CMSS1: variants seen among roughly 807,000 people sequenced by gnomAD.
CMSS1 encodes protein CMSS1.
CMSS1 carries 33 observed loss-of-function variants against 43.5 expected under a neutral mutation model. That is an observed-to-expected ratio of 0.76 (90% CI 0.57 to 1.01). The LOEUF (loss-of-function observed/expected upper bound fraction) is 1.01. Ranked by LOEUF, CMSS1 falls within the 50% of genes least tolerant of loss-of-function variation. CMSS1 has a pLI of 0.00. For synonymous variants in CMSS1, 115 were observed against 117.2 expected, an observed-to-expected ratio of 0.98 and a Z score of 0.12; for missense variants, 313 against 326.4, an observed-to-expected ratio of 0.96 and a Z score of 0.32.
At chr3:100,142,269 AT>A (rs2066811583) in intron 1 of CMSS1, among the ~76,000 whole-genome samples, 1 of 152,200 alleles carries the variant, frequency 6.6e-6, no homozygotes, top group Admixed American at 6.5e-5. Flanking sequence ...GGCTCCACAT[AT>A]GTAGATTTCA....
At chr3:100,099,387 T>C (rs945252251) in intron 1 of CMSS1, among the ~76,000 whole-genome samples, 4 of 152,162 alleles carry the variant, frequency 2.6e-5, no homozygotes, top group African/African-American at 9.7e-5. Flanking sequence ...GCTATCACTT[T>C]CCAAATTTTC....
intron 1 of CMSS1, among the ~76,000 whole-genome samples, chr3:100,021,056 C>T (rs1320249407): frequency 1.3e-5 from 2 of 152,200 alleles, no homozygotes; most frequent in African/African-American, 2.4e-5. Context: ...TGAGCCACCA[C>T]GCCTAGCCTA....
intron 1 of CMSS1, among the ~76,000 whole-genome samples, chr3:99,943,664 A>C (rs1355247862): frequency 6.6e-6 from 1 of 152,114 alleles, no homozygotes; most frequent in Non-Finnish European, 1.5e-5. Flanking sequence ...AGATCACGCC[A>C]CTGCACTCCA....
At chr3:100,045,841 G>T (rs1403396173) in intron 1 of CMSS1, among the ~76,000 whole-genome samples, 1 of 152,184 alleles carries the variant, frequency 6.6e-6, no homozygotes, top group Non-Finnish European at 1.5e-5. Context: ...CATTCCTAAT[G>T]ATGATAATGA....
chr3:100,112,771 T>C (rs2066512347), intron 1 of CMSS1, among the ~76,000 whole-genome samples: 1 of 152,212 alleles, frequency 6.6e-6, no homozygotes, highest in Admixed American at 6.5e-5. Context: ...ATGAATATTA[T>C]TGCTGCCTTT....
chr3:100,148,697 A>G (rs1298295840), intron 2 of CMSS1, among the ~76,000 whole-genome samples: 2 of 152,204 alleles, frequency 1.3e-5, no homozygotes, highest in African/African-American at 2.4e-5. Flanking sequence ...AAGCACTTCA[A>G]ACAGTGGTTA....
Position 99,934,272 on chromosome 3 carries a change from G to A in CMSS1, c.64+116229G>A, listed in dbSNP as rs768527. Among the ~76,000 whole-genome samples the A allele has an allele frequency of 4.5e-3, 684 of 152,300 alleles. 7 individuals are homozygous for A. Among genetic ancestry groups the A allele is most frequent in the African/African-American group, 0.016 (670 of 41,564 alleles). ...ATACAAGGCCACATTGCAAAGGAAT[G>A]GAAGGAATTAACTGCAGCCATCTTT... is the stretch of plus-strand genomic sequence containing the variant. On this transcript the variant is annotated intron_variant, in intron 1 of 9. Transcript: ENST00000421999.
intron 1 of CMSS1, among the ~76,000 whole-genome samples, chr3:100,093,967 G>C (rs1559755226): frequency 6.6e-6 from 1 of 152,040 alleles, no homozygotes; most frequent in Non-Finnish European, 1.5e-5. Context: ...CATTTCCCTG[G>C]GATGAATGCC....
intron 4 of CMSS1, among the ~76,000 whole-genome samples, chr3:100,162,869 G>A (rs1371917527): frequency 6.6e-6 from 1 of 152,050 alleles, no homozygotes; most frequent in East Asian, 1.9e-4. Flanking sequence ...CACCTACTTG[G>A]GAGGCTGAGG....
At chr3:100,056,004 C>T (rs2065458158) in intron 1 of CMSS1, among the ~76,000 whole-genome samples, 1 of 152,060 alleles carries the variant, frequency 6.6e-6, no homozygotes, top group African/African-American at 2.4e-5. Flanking sequence ...AGAAGGATAG[C>T]CTAGTTGATC....
intron 1 of CMSS1, among the ~76,000 whole-genome samples, chr3:99,875,292 A>C (rs1705454741): frequency 6.6e-6 from 1 of 152,192 alleles, no homozygotes; most frequent in Non-Finnish European, 1.5e-5. Flanking sequence ...TTTAGATGTA[A>C]CTAATTATGG....
chr3:100,013,903 A>G (rs1710239672), intron 1 of CMSS1, among the ~76,000 whole-genome samples: 1 of 152,144 alleles, frequency 6.6e-6, no homozygotes, highest in Non-Finnish European at 1.5e-5. Flanking sequence ...ACAATAGATC[A>G]ACAGAATTCC....
chr3:99,821,771 A>G (rs1942443810), intron 1 of CMSS1, among the ~76,000 whole-genome samples: 1 of 151,956 alleles, frequency 6.6e-6, no homozygotes, highest in East Asian at 1.9e-4. Context: ...GCAGTTGAAA[A>G]TGTCACTTGA....
intron 1 of CMSS1, among the ~76,000 whole-genome samples, chr3:100,117,226 A>G (rs1188784193): frequency 6.6e-6 from 1 of 152,198 alleles, no homozygotes; most frequent in Non-Finnish European, 1.5e-5. Context: ...GCAACACTAC[A>G]TTAAGTACAT....
chr3:100,057,111 G>C (rs1314116475), intron 1 of CMSS1, among the ~76,000 whole-genome samples: 2 of 152,216 alleles, frequency 1.3e-5, no homozygotes, highest in Non-Finnish European at 1.5e-5. Flanking sequence ...GGAAAGTCCT[G>C]GACCTGCAGT....
intron 1 of CMSS1, among the ~76,000 whole-genome samples, chr3:99,904,819 ACT>A (rs1213544975): frequency 6.6e-6 from 1 of 151,702 alleles, no homozygotes; most frequent in Non-Finnish European, 1.5e-5. Context: ...CCCTAATTTC[ACT>A]GTTTCTACAA....
At chr3:99,945,126 C>T (rs140040713) in intron 1 of CMSS1, among the ~76,000 whole-genome samples, 145 of 152,292 alleles carry the variant, frequency 9.5e-4, no homozygotes, top group African/African-American at 3.3e-3. Flanking sequence ...CTCCCTGATG[C>T]TTTTTGGTGG....
In CMSS1 at chr3:100,167,752, G is replaced by C. The variant is rs748087161; in HGVS notation, c.430G>C (p.Val144Leu). The C allele has an allele frequency of 1.9e-6, 3 of 1,611,440 alleles. No homozygotes were observed. In the South Asian group the frequency reaches 3.3e-5, roughly 18 times the overall value. ...CTTTTTTCCAGTTTGTCCTAAGTGG[G>C]TAAAACTTAGGAAGAACCACAGTGA... ...SYLKEICPKWVKLRKNHSEKK... is the reference protein window; with the variant it reads ...SYLKEICPKWLKLRKNHSEKK... Residue 144 changes from valine (V) to leucine (L), a missense_variant, in exon 6 of 10, where the codon GTA (valine) becomes CTA (leucine). Coordinates refer to ENST00000421999, the MANE Select transcript of CMSS1 (RefSeq NM_032359.4).
At chr3:99,987,949 T>C (rs1709394313) in intron 1 of CMSS1, among the ~76,000 whole-genome samples, 1 of 152,218 alleles carries the variant, frequency 6.6e-6, no homozygotes. Flanking sequence ...TTGAGGATAC[T>C]GTTCTTCCAG....
Sources: gnomAD v4.1 joint callset for allele counts (sites outside exome capture counted in the v4.1 genomes callset) on GRCh38, gnomAD v4.1.1 for gene constraint, MANE v1.5 for transcripts, NCBI Gene and HGNC (gene_info 2026-07-23, HGNC 2026-07-21) for gene names.